RAPGEF6: variants seen among roughly 807,000 people sequenced by gnomAD.
RAPGEF6 encodes Rap guanine nucleotide exchange factor 6.
RAPGEF6 carries 56 observed loss-of-function variants against 171.4 expected under a neutral mutation model. The observed-to-expected ratio is 0.33, with a 90% CI of 0.26 to 0.41. The LOEUF (loss-of-function observed/expected upper bound fraction) is 0.41, where lower values mean the gene tolerates loss of function less well. RAPGEF6 is among the 10% of genes least tolerant of loss of function. The pLI, the probability that RAPGEF6 is intolerant of heterozygous loss-of-function variation, is 1.00. For synonymous variants in RAPGEF6, 692 were observed against 650.1 expected, an observed-to-expected ratio of 1.06 and a Z score of -0.98; for missense variants, 1,674 against 1,921.4, an observed-to-expected ratio of 0.87 and a Z score of 2.41.
chr5:131,546,454 A>T (rs1760539246), intron 6 of RAPGEF6, among the ~76,000 whole-genome samples: 1 of 152,104 alleles, frequency 6.6e-6, no homozygotes, highest in Non-Finnish European at 1.5e-5. Flanking sequence ...AATACAAAAA[A>T]TTAGCTGGGC....
At chr5:131,499,281 T>C (rs1756851093) in intron 11 of RAPGEF6, among the ~76,000 whole-genome samples, 1 of 152,112 alleles carries the variant, frequency 6.6e-6, no homozygotes, top group Admixed American at 6.5e-5. Context: ...TCCAACTTTA[T>C]AAAAGAATAT....
At chr5:131,477,754 C>T (rs757262933) in intron 16 of RAPGEF6, among the ~76,000 whole-genome samples, 11 of 152,092 alleles carry the variant, frequency 7.2e-5, no homozygotes, top group Admixed American at 2.0e-4. Context: ...ACAACTGTGT[C>T]GCTGGTCAAA....
chr5:131,506,641 C>G (rs1011241829), intron 9 of RAPGEF6, among the ~76,000 whole-genome samples: 2 of 152,040 alleles, frequency 1.3e-5, no homozygotes, highest in African/African-American at 4.8e-5. Flanking sequence ...GATATACTCA[C>G]TACACAACTT....
chr5:131,515,581 T>C (rs1462954984), intron 7 of RAPGEF6, among the ~76,000 whole-genome samples: 1 of 152,120 alleles, frequency 6.6e-6, no homozygotes, highest in African/African-American at 2.4e-5. Context: ...ACTCTGGTGA[T>C]GAAAAATGTC....
At chr5:131,529,533 G>A (rs1561539436) in intron 6 of RAPGEF6, among the ~76,000 whole-genome samples, 1 of 151,540 alleles carries the variant, frequency 6.6e-6, no homozygotes, top group Admixed American at 6.6e-5. Context: ...GCTTGCGAGA[G>A]TACTACTCCA....
intron 13 of RAPGEF6, among the ~76,000 whole-genome samples, chr5:131,493,432 T>C (rs1010030919): frequency 3.3e-5 from 5 of 152,236 alleles, no homozygotes; most frequent in African/African-American, 1.2e-4. Context: ...CTGGCTGTTA[T>C]ATAAAACCAG....
In RAPGEF6 at chr5:131,472,611, T is replaced by C. The variant is rs749258636; in HGVS notation, c.2215A>G (p.Met739Val). 17 of 1,613,980 alleles carry C rather than the reference T, an allele frequency of 1.1e-5. No homozygotes were observed. In the East Asian group the frequency reaches 3.8e-4, roughly 36 times the overall value. Reference protein sequence around the residue: ...SPDLLQPTTSMLDFSNPSDIP... With the variant: ...SPDLLQPTTSVLDFSNPSDIP... Reference sequence around the variant, plus strand: ...CCTGAAGGATTGGAAAAATCCAACATACTGGTGGTAGGCTGCAGGAGATCA... The same window carrying C: ...CCTGAAGGATTGGAAAAATCCAACACACTGGTGGTAGGCTGCAGGAGATCA... Residue 739 changes from methionine (M) to valine (V), a missense_variant, in exon 17 of 28, where the codon ATG (methionine) becomes GTG (valine). Around this residue, in one of 3 missense-constraint regions of RAPGEF6, gnomAD observed 1,116 missense variants for 1,321.5 expected, o/e 0.84. Coordinates refer to ENST00000509018, the MANE Select transcript of RAPGEF6 (RefSeq NM_016340.6).
intron 1 of RAPGEF6, among the ~76,000 whole-genome samples, chr5:131,614,406 G>C (rs970106588): frequency 6.6e-6 from 1 of 152,096 alleles, no homozygotes; most frequent in Non-Finnish European, 1.5e-5. Flanking sequence ...GCCTGGGAAG[G>C]CCTCAGGAAA....
intron 6 of RAPGEF6, among the ~76,000 whole-genome samples, chr5:131,544,612 T>C (rs1036989900): frequency 6.6e-6 from 1 of 152,252 alleles, no homozygotes; most frequent in African/African-American, 2.4e-5. Context: ...GTAATCATAA[T>C]CTTGAATACG....
At chr5:131,601,815 T>C (rs1429830034) in intron 3 of RAPGEF6, among the ~76,000 whole-genome samples, 1 of 151,770 alleles carries the variant, frequency 6.6e-6, no homozygotes, top group African/African-American at 2.4e-5. Flanking sequence ...AGGCAGATCA[T>C]GAGGTCAGGA....
At chr5:131,434,092 C>A (rs6596024) in intron 24 of RAPGEF6, among the ~76,000 whole-genome samples, 53,945 of 152,052 alleles carry the variant, frequency 0.35, 11,091 homozygotes, top group African/African-American at 0.57. Context: ...ATCTGAATCC[C>A]AAATACCATC....
intron 1 of RAPGEF6, among the ~76,000 whole-genome samples, chr5:131,629,474 G>T (rs1363922515): frequency 6.6e-6 from 1 of 151,284 alleles, no homozygotes; most frequent in Non-Finnish European, 1.5e-5. Context: ...AAGAGAACTA[G>T]AATTAGAAAT....
chr5:131,537,752 T>C lies in RAPGEF6; in HGVS notation c.495+10295A>G, dbSNP rs543885800. On this transcript the variant is annotated intron_variant, in intron 6 of 27. Transcript: ENST00000509018. Reference sequence around the variant, plus strand: ...TGTCCATGGGTTCTGTACCTGCAGATTGAAGAAACTGCAGACAGAAAATAT... The same window carrying C: ...TGTCCATGGGTTCTGTACCTGCAGACTGAAGAAACTGCAGACAGAAAATAT... Among the ~76,000 whole-genome samples the C allele has an allele frequency of 3.3e-5, 5 of 152,284 alleles. No individual in the cohort carries two copies. In the South Asian group the frequency reaches 6.2e-4, roughly 19 times the overall value.
At chr5:131,526,675 C>A (rs1240441798) in intron 6 of RAPGEF6, among the ~76,000 whole-genome samples, 1 of 152,150 alleles carries the variant, frequency 6.6e-6, no homozygotes, top group East Asian at 1.9e-4. Context: ...TCCTGATCTA[C>A]CTGGACTCAA....
chr5:131,574,727 C>T (rs767903149), intron 4 of RAPGEF6, among the ~76,000 whole-genome samples: 1 of 152,054 alleles, frequency 6.6e-6, no homozygotes, highest in Admixed American at 6.5e-5. Context: ...TCCTTTGAAT[C>T]CTCCTCTCGT....
intron 17 of RAPGEF6, among the ~76,000 whole-genome samples, chr5:131,470,884 C>T (rs963410999): frequency 1.3e-5 from 2 of 152,152 alleles, no homozygotes; most frequent in Non-Finnish European, 2.9e-5. Flanking sequence ...TCATTCCATA[C>T]TCAGGAAGGA....
intron 6 of RAPGEF6, chr5:131,532,006 A>T (rs941849388): frequency 5.6e-5 from 18 of 320,270 alleles, no homozygotes; most frequent in African/African-American, 3.5e-4. Flanking sequence ...TTATTTTTAA[A>T]GTTTAGAAAA....
At chr5:131,634,427 G>T (rs1197118753) in intron 1 of RAPGEF6, among the ~76,000 whole-genome samples, 1 of 152,212 alleles carries the variant, frequency 6.6e-6, no homozygotes, top group Non-Finnish European at 1.5e-5. Context: ...CCCAGTGACA[G>T]TCTGAAAAAG....
intron 3 of RAPGEF6, among the ~76,000 whole-genome samples, chr5:131,601,427 G>C (rs920691079): frequency 6.8e-6 from 1 of 146,244 alleles, no homozygotes; most frequent in African/African-American, 2.5e-5. Flanking sequence ...AGTGGAAATA[G>C]ATAATAGACT....
Sources: allele counts gnomAD v4.1 joint callset (sites outside exome capture counted in the v4.1 genomes callset), GRCh38; gene constraint gnomAD v4.1.1; regional missense constraint gnomAD v4.1.1; transcripts MANE v1.5; gene names NCBI Gene and HGNC (gene_info 2026-07-23, HGNC 2026-07-21).